DCDC1: variants seen among roughly 807,000 people sequenced by gnomAD.
DCDC1 encodes doublecortin domain containing 1.
DCDC1 carries 200 observed loss-of-function variants against 178.3 expected under a neutral mutation model. The ratio of observed to expected loss-of-function variants is 1.12; its 90% CI spans 1.00 to 1.26. The LOEUF is 1.26. Ranked by LOEUF, DCDC1 falls within the 50% of genes most tolerant of loss-of-function variation. The pLI is 0.00. For missense variants in DCDC1, 1,983 were observed against 1,749.2 expected (o/e 1.13, Z -2.38); for synonymous variants, 690 against 604.8 (o/e 1.14, Z -2.07).
At chr11:31,257,161 T>C (rs1183142061) in intron 8 of DCDC1, among the ~76,000 whole-genome samples, 3 of 152,180 alleles carry the variant, frequency 2.0e-5, no homozygotes, top group South Asian at 2.1e-4. Flanking sequence ...TGTCTTTAAA[T>C]TGTTAATACT....
rs199692027 is a variant in DCDC1 at position 30,898,200 on chromosome 11, T to C, written c.4765+1341A>G. Among the ~76,000 whole-genome samples, 5 of 152,252 alleles carry C rather than the reference T, an allele frequency of 3.3e-5. No homozygotes were observed. In the East Asian group the frequency reaches 9.7e-4, roughly 29 times the overall value. On this transcript the variant is annotated intron_variant, in intron 34 of 38. Transcript: ENST00000684477. Reference sequence around the variant, plus strand: ...TTTCAAGGATTTGTCCTAAAGATAATAGGAAACCTTGCAAGATTTTGTGCC... The same window carrying C: ...TTTCAAGGATTTGTCCTAAAGATAACAGGAAACCTTGCAAGATTTTGTGCC...
At chr11:30,973,594 A>G (rs1949934314) in intron 20 of DCDC1, among the ~76,000 whole-genome samples, 1 of 152,238 alleles carries the variant, frequency 6.6e-6, no homozygotes. Flanking sequence ...AAATGTGAGC[A>G]GGAGTAGCTA....
In DCDC1 at chr11:30,873,354, T is replaced by G. The variant is rs1450399617; in HGVS notation, c.*40+5190A>C. On this transcript the variant is annotated intron_variant, in intron 38 of 38. Coordinates refer to ENST00000684477, the MANE Select transcript of DCDC1 (RefSeq NM_001387274.1). ...ATGTGTGTGTATATACATATATATA[T>G]ATATATATATAGAGAGAGAGAGAGA... 7.4e-3 allele frequency among the ~76,000 whole-genome samples: 1,045 copies of G among 141,180 alleles called. 6 individuals are homozygous for G. Among genetic ancestry groups the G allele is most frequent in the Non-Finnish European group, 9.0e-3 (595 of 65,828 alleles). 92.6% of individuals were successfully genotyped at this position (141,180 alleles called of 152,430 possible).
At chr11:30,971,549 A>C (rs570893040) in intron 20 of DCDC1, among the ~76,000 whole-genome samples, 2 of 151,752 alleles carry the variant, frequency 1.3e-5, no homozygotes, top group East Asian at 3.9e-4. Flanking sequence ...TGAGAGCTTC[A>C]ACAAGAGTAT....
intron 8 of DCDC1, among the ~76,000 whole-genome samples, chr11:31,260,827 G>C (rs969726601): frequency 1.3e-5 from 2 of 152,110 alleles, no homozygotes; most frequent in African/African-American, 4.8e-5. Context: ...AACCTCCCTC[G>C]AAATCAGACA....
At chr11:31,283,868 G>A (rs143864162) in intron 7 of DCDC1, among the ~76,000 whole-genome samples, 1 of 152,160 alleles carries the variant, frequency 6.6e-6, no homozygotes, top group East Asian at 1.9e-4. Context: ...GTATTGCCCT[G>A]CAAATTTCAG....
intron 22 of DCDC1, 82 bp from the exon 23 acceptor site, chr11:30,925,490 C>G: frequency 8.1e-7 from 1 of 1,238,744 alleles, no homozygotes; most frequent in Non-Finnish European, 1.2e-6. Flanking sequence ...AATCTGGGGC[C>G]TGAATCCATA....
chr11:31,150,049 A>G (rs1210128445), intron 9 of DCDC1, among the ~76,000 whole-genome samples: 1 of 149,988 alleles, frequency 6.7e-6, no homozygotes, highest in Non-Finnish European at 1.5e-5. Context: ...TCCCACCAGC[A>G]ATTTAAAAGT....
At chr11:31,099,674 G>C (rs1218518174) in intron 15 of DCDC1, among the ~76,000 whole-genome samples, 1 of 151,832 alleles carries the variant, frequency 6.6e-6, no homozygotes, top group African/African-American at 2.4e-5. Flanking sequence ...TCACAAATCA[G>C]ATAGGGCTAC....
Position 31,241,636 on chromosome 11 carries a change from A to C in DCDC1, c.1055-20T>G, listed in dbSNP as rs1423014471. ...GAGGAACTATGCAAGAAAAGAAGGG[A>C]AAAAAATTCTTTTGACCCAACCCAA... On this transcript the variant is annotated intron_variant, in intron 8 of 38. Coordinates refer to ENST00000684477, the MANE Select transcript of DCDC1 (RefSeq NM_001387274.1). The C allele has an allele frequency of 2.5e-6, 1 of 396,542 alleles. No individual in the cohort carries two copies. The highest frequency in any genetic ancestry group is 4.5e-6 in the Non-Finnish European group (1 of 224,294). The allele number at this position is 396,542 out of a possible 1,614,324, so 24.6% of individuals were successfully genotyped here. A position where few individuals can be genotyped will look rare whatever the true frequency, so the allele number is the denominator to read the frequency against.
At chr11:31,047,786 A>G (rs1454533236) in intron 20 of DCDC1, among the ~76,000 whole-genome samples, 1 of 152,162 alleles carries the variant, frequency 6.6e-6, no homozygotes, top group African/African-American at 2.4e-5. Context: ...AATTCTCTAC[A>G]TCCTATGATA....
At chr11:31,163,277 T>A (rs1591274949) in intron 9 of DCDC1, among the ~76,000 whole-genome samples, 1 of 152,288 alleles carries the variant, frequency 6.6e-6, no homozygotes, top group East Asian at 1.9e-4. Flanking sequence ...TTTTATGAGT[T>A]CAAAGATACA....
At chr11:31,051,527 G>C (rs551508758) in intron 20 of DCDC1, among the ~76,000 whole-genome samples, 2 of 152,254 alleles carry the variant, frequency 1.3e-5, no homozygotes, top group East Asian at 3.9e-4. Flanking sequence ...TTGTCATCAG[G>C]TTATCCAAAG....
chr11:31,067,763 T>C (rs1490624785), intron 18 of DCDC1, among the ~76,000 whole-genome samples: 3 of 152,044 alleles, frequency 2.0e-5, no homozygotes, highest in Non-Finnish European at 4.4e-5. Flanking sequence ...CAGAAAACAT[T>C]ATGCTAAGTG....
In DCDC1 at chr11:31,306,267, C is replaced by T; in HGVS notation, c.556G>A (p.Val186Ile). The T allele has an allele frequency of 6.3e-7, 1 of 1,599,194 alleles. No individual in the cohort carries two copies. Among genetic ancestry groups the T allele is most frequent in the Non-Finnish European group, 8.5e-7 (1 of 1,172,600 alleles). Residue 186 changes from valine to isoleucine, a missense_variant, in exon 5 of 39, where the codon GTC (valine) becomes ATC (isoleucine). Transcript: ENST00000684477. ...VTAYKNGSRTVFARVTVPTIT... is the reference protein window; with the variant it reads ...VTAYKNGSRTIFARVTVPTIT... ...GTTGGTACAGTAACTCTGGCAAAGA[C>T]TGTTCTAGATCCATTTTTGTAAGCT... is the stretch of plus-strand genomic sequence containing the variant.
intron 20 of DCDC1, among the ~76,000 whole-genome samples, chr11:31,000,392 T>C (rs1951505050): frequency 6.6e-6 from 1 of 152,174 alleles, no homozygotes; most frequent in Non-Finnish European, 1.5e-5. Context: ...GAGGATTCTT[T>C]GCCTTCTACT....
intron 11 of DCDC1, among the ~76,000 whole-genome samples, chr11:31,111,449 T>C (rs2135805553): frequency 6.6e-6 from 1 of 152,250 alleles, no homozygotes; most frequent in South Asian, 2.1e-4. Context: ...ATGTCAAAAA[T>C]TGCAGGTTTC....
chr11:30,922,654 T>A lies in DCDC1; in HGVS notation c.2998-16A>T, dbSNP rs1946324681. The A allele has an allele frequency of 6.6e-7, 1 of 1,507,750 alleles. No homozygotes were observed. Among genetic ancestry groups the A allele is most frequent in the Non-Finnish European group, 8.8e-7 (1 of 1,136,378 alleles). The allele number at this position is 1,507,750 out of a possible 1,614,324, so 93.4% of individuals were successfully genotyped here. ...AAACATACACCTATCAAACAAAGCA[T>A]CTCTTATCCTGTATATAATTGTCAC... On this transcript the variant is annotated splice_polypyrimidine_tract_variant and intron_variant, in intron 23 of 38. Coordinates refer to ENST00000684477, the MANE Select transcript of DCDC1 (RefSeq NM_001387274.1).
At chr11:30,950,414 T>C (rs1235759148) in intron 21 of DCDC1, among the ~76,000 whole-genome samples, 1 of 152,196 alleles carries the variant, frequency 6.6e-6, no homozygotes, top group East Asian at 1.9e-4. Context: ...ATTGCAGCAC[T>C]ATTCAGCACT....
Sources: gnomAD v4.1 joint callset for allele counts (sites outside exome capture counted in the v4.1 genomes callset) on GRCh38, gnomAD v4.1.1 for gene constraint, MANE v1.5 for transcripts, NCBI Gene and HGNC (gene_info 2026-07-23, HGNC 2026-07-21) for gene names.